The following IQGAP2 variants were observed in gnomAD, a reference collection of about 807,000 sequenced individuals.
IQGAP2 encodes IQ motif containing GTPase activating protein 2, also known as ras GTPase-activating-like protein IQGAP2.
Under a neutral mutation model 201.3 loss-of-function variants are expected in IQGAP2, and 173 were observed. That is an observed-to-expected ratio of 0.86 (90% CI 0.76 to 0.98). The LOEUF is 0.98. IQGAP2 is among the 50% of genes least tolerant of loss of function. The probability of loss-of-function intolerance (pLI) is 0.00; values close to 1 mark genes in which losing one functional copy is unlikely to be tolerated. For synonymous variants in IQGAP2, 675 were observed against 673.9 expected (o/e 1.00, Z -0.03); for missense variants, 1,687 against 1,864.8 (o/e 0.90, Z 1.76).
chr5:76,408,711 T>G (rs1750932188), intron 1 of IQGAP2, among the ~76,000 whole-genome samples: 1 of 152,066 alleles, frequency 6.6e-6, no homozygotes, highest in East Asian at 1.9e-4. Flanking sequence ...TGATTACAAC[T>G]ATGAATAGCC....
chr5:76,672,104 T>C, intron 24 of IQGAP2, 121 bp downstream of exon 24: 1 of 712,494 alleles, frequency 1.4e-6, no homozygotes, highest in East Asian at 2.7e-5. Flanking sequence ...CAATCCAAAA[T>C]GTTACCTCCC....
chr5:76,461,350 A>G (rs1473103776), intron 1 of IQGAP2, among the ~76,000 whole-genome samples: 1 of 150,806 alleles, frequency 6.6e-6, no homozygotes, highest in Non-Finnish European at 1.5e-5. Context: ...CCTGGGTGAC[A>G]GTGCCAGTTC....
chr5:76,664,349 G>A (rs951166574), intron 21 of IQGAP2, among the ~76,000 whole-genome samples: 3 of 152,186 alleles, frequency 2.0e-5, no homozygotes, highest in East Asian at 1.9e-4. Flanking sequence ...TTCTATGGGC[G>A]TGGTTTGTGG....
intron 30 of IQGAP2, among the ~76,000 whole-genome samples, chr5:76,690,517 A>G (rs1296155432): frequency 6.6e-6 from 1 of 152,164 alleles, no homozygotes; most frequent in East Asian, 1.9e-4. Flanking sequence ...ACCAGGTTTC[A>G]TGACTGGGTG....
intron 15 of IQGAP2, 81 bp downstream of exon 15, chr5:76,632,107 CAAGT>C (rs1750763602): frequency 9.1e-6 from 11 of 1,207,170 alleles, no homozygotes; most frequent in African/African-American, 1.6e-5. Flanking sequence ...AATTTTAAGA[CAAGT>C]AATGCTTTCA....
chr5:76,510,339 A>C (rs1757887531), intron 2 of IQGAP2: 1 of 164,144 alleles, frequency 6.1e-6, no homozygotes, highest in African/African-American at 2.4e-5. Flanking sequence ...TTATTGGATC[A>C]TTAAGAAGGT....
At chr5:76,464,338 A>G (rs1754655991) in intron 2 of IQGAP2, among the ~76,000 whole-genome samples, 1 of 152,236 alleles carries the variant, frequency 6.6e-6, no homozygotes, top group South Asian at 2.1e-4. Context: ...GATTTATTGC[A>G]TGATTCTTTT....
intron 1 of IQGAP2, among the ~76,000 whole-genome samples, chr5:76,437,298 C>T (rs968617283): frequency 1.3e-5 from 2 of 151,938 alleles, no homozygotes; most frequent in African/African-American, 4.8e-5. Context: ...GGCAATCTGC[C>T]CACCTCAGCC....
intron 1 of IQGAP2, among the ~76,000 whole-genome samples, chr5:76,435,059 TC>T (rs1561369051): frequency 6.6e-6 from 1 of 151,302 alleles, no homozygotes; most frequent in African/African-American, 2.4e-5. Context: ...CTTTTTTTTT[TC>T]TTTTTTTTTG....
At chr5:76,610,050 T>TTCTCTCTCTCTCTCTCTCTCTCTCTCTC (rs71604297) in intron 12 of IQGAP2, among the ~76,000 whole-genome samples, 3 of 19,066 alleles carry the variant, frequency 1.6e-4, no homozygotes, top group South Asian at 6.1e-3. Context: ...TGTTCTCTCT[T>TTCTCTCTCTCTCTCTCTCTCTCTCTCTC]TCTCTCTCTC....
intron 22 of IQGAP2, among the ~76,000 whole-genome samples, chr5:76,668,375 GAAT>G (rs141243748): frequency 0.13 from 20,143 of 151,170 alleles, 1,383 homozygotes; most frequent in Middle Eastern, 0.21. Flanking sequence ...AGTATGATAT[GAAT>G]AATATTAAGT....
chr5:76,515,446 T>C (rs1304339330), intron 2 of IQGAP2, among the ~76,000 whole-genome samples: 1 of 152,222 alleles, frequency 6.6e-6, no homozygotes. Flanking sequence ...ATCCATTAAG[T>C]CTTTTTCTTT....
chr5:76,557,607 G>C (rs565123557), intron 2 of IQGAP2, among the ~76,000 whole-genome samples: 1 of 152,246 alleles, frequency 6.6e-6, no homozygotes, highest in South Asian at 2.1e-4. Context: ...TTTCTTTTTA[G>C]CAGTCAGAAT....
At chr5:76,523,708 T>C (rs1331372017) in intron 2 of IQGAP2, among the ~76,000 whole-genome samples, 5 of 152,174 alleles carry the variant, frequency 3.3e-5, no homozygotes, top group African/African-American at 1.2e-4. Flanking sequence ...GCATACATTT[T>C]TAAAGTGCTT....
At chr5:76,416,961 T>C (rs1751441873) in intron 1 of IQGAP2, among the ~76,000 whole-genome samples, 1 of 151,994 alleles carries the variant, frequency 6.6e-6, no homozygotes, top group Admixed American at 6.6e-5. Context: ...TCTGAGTAGA[T>C]GGGACCATAG....
intron 11 of IQGAP2, among the ~76,000 whole-genome samples, chr5:76,601,732 G>T (rs1480900343): frequency 6.6e-6 from 1 of 152,178 alleles, no homozygotes; most frequent in Non-Finnish European, 1.5e-5. Context: ...TAATAGGCAG[G>T]TTGGCTAATT....
chr5:76,676,077 T>A (rs954454693), intron 27 of IQGAP2, among the ~76,000 whole-genome samples: 5 of 135,592 alleles, frequency 3.7e-5, no homozygotes, highest in Non-Finnish European at 7.9e-5. Context: ...TAAGACTCTG[T>A]CACACACACA....
intron 1 of IQGAP2, among the ~76,000 whole-genome samples, chr5:76,425,630 A>G (rs766029808): frequency 2.6e-4 from 39 of 151,950 alleles, no homozygotes; most frequent in Non-Finnish European, 5.4e-4. Context: ...TGTAAGTATT[A>G]TAAGCAAAAG....
At chr5:76,493,629 A>G (rs1255525475) in intron 2 of IQGAP2, among the ~76,000 whole-genome samples, 1 of 151,778 alleles carries the variant, frequency 6.6e-6, no homozygotes, top group East Asian at 1.9e-4. Flanking sequence ...CTTTTTTTGG[A>G]ATTAATTAAT....
Sources: gnomAD v4.1 joint callset for allele counts (sites outside exome capture counted in the v4.1 genomes callset) on GRCh38, gnomAD v4.1.1 for gene constraint, MANE v1.5 for transcripts, NCBI Gene and HGNC (gene_info 2026-07-23, HGNC 2026-07-21) for gene names.